CLOCK: variants seen among roughly 807,000 people sequenced by gnomAD.
The protein encoded by CLOCK is circadian locomoter output cycles protein kaput.
Under a neutral mutation model 118.4 loss-of-function variants are expected in CLOCK, and 43 were observed. That is an observed-to-expected ratio of 0.36 (90% CI 0.28 to 0.47). The LOEUF (loss-of-function observed/expected upper bound fraction) is 0.47, where lower values mean the gene tolerates loss of function less well. Ranked by LOEUF, CLOCK falls within the 20% of genes least tolerant of loss-of-function variation. The pLI is 1.00. For missense variants in CLOCK, 846 were observed against 999.9 expected, an observed-to-expected ratio of 0.85 and a Z score of 2.08; for synonymous variants, 326 against 339.2, an observed-to-expected ratio of 0.96 and a Z score of 0.43.
intron 5 of CLOCK, chr4:55,479,168 C>T (rs1304479662): frequency 2.2e-6 from 1 of 457,458 alleles, no homozygotes; most frequent in African/African-American, 2.0e-5. Flanking sequence ...ACAAATCATA[C>T]ATTTGACAAA....
chr4:55,495,471 TC>T (rs1728004409), intron 2 of CLOCK, among the ~76,000 whole-genome samples: 3 of 152,198 alleles, frequency 2.0e-5, no homozygotes, highest in African/African-American at 4.8e-5. Context: ...GGGGTGAACT[TC>T]CTTGTAACTC....
At chr4:55,500,393 C>T (rs1344477693) in intron 2 of CLOCK, among the ~76,000 whole-genome samples, 1 of 152,140 alleles carries the variant, frequency 6.6e-6, no homozygotes, top group Non-Finnish European at 1.5e-5. Flanking sequence ...ACCAAGGCTG[C>T]AGTGCAGTGG....
intron 2 of CLOCK, among the ~76,000 whole-genome samples, chr4:55,502,534 A>G (rs1179765495): frequency 6.6e-6 from 1 of 152,230 alleles, no homozygotes; most frequent in African/African-American, 2.4e-5. Context: ...AGGCTTACAT[A>G]TATCACACAT....
intron 20 of CLOCK, among the ~76,000 whole-genome samples, chr4:55,443,152 T>C (rs956091089): frequency 2.6e-5 from 4 of 152,170 alleles, no homozygotes; most frequent in African/African-American, 9.7e-5. Context: ...GTATAACTAC[T>C]AGACTACATC....
chr4:55,530,428 C>G (rs1468697391), intron 1 of CLOCK, among the ~76,000 whole-genome samples: 1 of 152,048 alleles, frequency 6.6e-6, no homozygotes, highest in African/African-American at 2.4e-5. Flanking sequence ...TTCAAACATG[C>G]AAGAATTCAC....
intron 14 of CLOCK, 126 bp from the exon 15 acceptor site, chr4:55,453,255 C>A: frequency 1.3e-6 from 1 of 786,836 alleles, no homozygotes; most frequent in Admixed American, 2.1e-5. Context: ...ATGTGCTACA[C>A]AAACCTAAAA....
At chr4:55,516,457 C>G (rs1729520791) in intron 1 of CLOCK, among the ~76,000 whole-genome samples, 1 of 152,204 alleles carries the variant, frequency 6.6e-6, no homozygotes, top group Admixed American at 6.5e-5. Flanking sequence ...CAATGCCCCT[C>G]TTTATTCCGG....
intron 1 of CLOCK, among the ~76,000 whole-genome samples, chr4:55,536,139 A>T (rs1730878698): frequency 6.6e-6 from 1 of 152,220 alleles, no homozygotes; most frequent in South Asian, 2.1e-4. Context: ...TACAAAGTCA[A>T]CTAAAAAACT....
At chr4:55,481,776 A>C (rs1354866199) in intron 4 of CLOCK, among the ~76,000 whole-genome samples, 1 of 152,194 alleles carries the variant, frequency 6.6e-6, no homozygotes, top group East Asian at 1.9e-4. Flanking sequence ...ACAAACCAAC[A>C]CAAGTAAAAA....
At chr4:55,442,727 A>G (rs1723474894) in intron 20 of CLOCK, 93 bp from the exon 21 acceptor site, 11 of 1,114,740 alleles carry the variant, frequency 9.9e-6, no homozygotes, top group Middle Eastern at 4.9e-4. Flanking sequence ...ATATGACAAT[A>G]TGACAGAGAA....
intron 1 of CLOCK, among the ~76,000 whole-genome samples, chr4:55,516,981 T>C (rs1360655759): frequency 1.3e-5 from 2 of 152,072 alleles, no homozygotes. Flanking sequence ...ACCTCCCTCC[T>C]ATCCTTTGTA....
intron 1 of CLOCK, among the ~76,000 whole-genome samples, chr4:55,542,364 ATAATAATAATAATAATATTATTAT>A (rs1473640241): frequency 1.1e-4 from 7 of 63,742 alleles, no homozygotes; most frequent in East Asian, 7.3e-4. Flanking sequence ...AATAATAATA[ATAATAATAATAATAATATTATTAT>A]TATTATTATT....
intron 3 of CLOCK, among the ~76,000 whole-genome samples, chr4:55,486,938 C>T (rs1279466215): frequency 2.0e-5 from 3 of 152,108 alleles, no homozygotes; most frequent in Admixed American, 6.6e-5. Context: ...TGTTTTTCCC[C>T]TCTGTTTCCT....
chr4:55,461,138 T>C (rs1325554166), intron 9 of CLOCK, among the ~76,000 whole-genome samples: 1 of 152,090 alleles, frequency 6.6e-6, no homozygotes, highest in Non-Finnish European at 1.5e-5. Context: ...ATGTTGCCCA[T>C]GCTGGTCTTG....
At chr4:55,481,157 T>C (rs1018514807) in intron 4 of CLOCK, among the ~76,000 whole-genome samples, 3 of 152,198 alleles carry the variant, frequency 2.0e-5, no homozygotes, top group Non-Finnish European at 2.9e-5. Flanking sequence ...CACACCTTTC[T>C]ATGGCCTATA....
intron 2 of CLOCK, among the ~76,000 whole-genome samples, chr4:55,502,919 C>T (rs1173156440): frequency 7.2e-5 from 11 of 152,134 alleles, no homozygotes; most frequent in Admixed American, 7.2e-4. Flanking sequence ...TTTAAATCAT[C>T]AGGGAATTAC....
intron 1 of CLOCK, among the ~76,000 whole-genome samples, chr4:55,525,466 C>T (rs981362725): frequency 6.6e-6 from 1 of 152,028 alleles, no homozygotes; most frequent in African/African-American, 2.4e-5. Flanking sequence ...CAGAGCAAGA[C>T]CTTGTCTCTA....
chr4:55,544,999 T>G (rs1731511462), intron 1 of CLOCK, among the ~76,000 whole-genome samples: 1 of 152,150 alleles, frequency 6.6e-6, no homozygotes, highest in African/African-American at 2.4e-5. Context: ...TCTTTTTTCA[T>G]AACTGATTAC....
chr4:55,511,980 A>C (rs1729178912), intron 1 of CLOCK, among the ~76,000 whole-genome samples: 1 of 151,796 alleles, frequency 6.6e-6, no homozygotes, highest in South Asian at 2.1e-4. Context: ...CATTGTCTGA[A>C]TATACCACAG....
Sources: allele counts gnomAD v4.1 joint callset (sites outside exome capture counted in the v4.1 genomes callset), GRCh38; gene constraint gnomAD v4.1.1; transcripts MANE v1.5; gene names NCBI Gene and HGNC (gene_info 2026-07-23, HGNC 2026-07-21).